PRSS23: variants seen among roughly 807,000 people sequenced by gnomAD.
The protein encoded by PRSS23 is protease, serine 23.
A neutral mutation model predicts 34.7 loss-of-function variants in PRSS23; 25 were observed. That is an observed-to-expected ratio of 0.72 (90% CI 0.53 to 1.01). The LOEUF is 1.01. Ranked by LOEUF, PRSS23 falls within the 50% of genes least tolerant of loss-of-function variation. PRSS23 has a pLI of 0.00. For synonymous variants in PRSS23, 176 were observed against 186.6 expected, an observed-to-expected ratio of 0.94 and a Z score of 0.46; for missense variants, 445 against 475.6, an observed-to-expected ratio of 0.94 and a Z score of 0.60.
chr11:86,808,315 GAA>G lies in PRSS23; in HGVS notation c.674_675del (p.Lys225ThrfsTer15). On this transcript the variant is annotated frameshift_variant, in exon 2 of 2. Transcript: ENST00000280258. LOFTEE classifies it high-confidence loss of function. ...AGATGAAATTTCAGTGGATCCGGGT[GAA>G]ACGCACCCATGTGCCCAAGGGTTGG... ...EQMKFQWIRV[K>X]RTHVPKGWIK... 6.2e-7 allele frequency: 1 copy of G among 1,614,170 alleles called. No homozygotes were observed.
At chr11:86,866,992 A>G (rs1283536605) in intron 2 of PRSS23, among the ~76,000 whole-genome samples, 1 of 152,204 alleles carries the variant, frequency 6.6e-6, no homozygotes, top group African/African-American at 2.4e-5. Flanking sequence ...TAAATCACCC[A>G]GCTTCAGGTA....
intron 2 of PRSS23, chr11:86,910,001 A>ATT (rs1948967380): frequency 6.6e-6 from 1 of 152,258 alleles, no homozygotes; most frequent in South Asian, 2.1e-4. Context: ...TGGAGACAGG[A>ATT]TTCTTCAAAA....
intron 2 of PRSS23, among the ~76,000 whole-genome samples, chr11:86,907,747 A>G (rs1273189608): frequency 3.9e-5 from 6 of 152,202 alleles, no homozygotes; most frequent in Non-Finnish European, 8.8e-5. Context: ...GGTGTGAGCC[A>G]CCACGCTGGC....
intron 2 of PRSS23, among the ~76,000 whole-genome samples, chr11:86,904,017 T>C (rs1023480772): frequency 6.6e-6 from 1 of 152,190 alleles, no homozygotes; most frequent in Non-Finnish European, 1.5e-5. Flanking sequence ...CTTTTTCTAA[T>C]AGCTTCAGAG....
At chr11:86,860,584 G>A (rs1028397427) in intron 2 of PRSS23, among the ~76,000 whole-genome samples, 3 of 151,852 alleles carry the variant, frequency 2.0e-5, no homozygotes, top group Non-Finnish European at 2.9e-5. Flanking sequence ...ATCACAAGAG[G>A]TGTACATCCC....
At chr11:86,824,386 A>AG (rs1948282019) in intron 2 of PRSS23, among the ~76,000 whole-genome samples, 2 of 150,616 alleles carry the variant, frequency 1.3e-5, no homozygotes, top group Non-Finnish European at 3.0e-5. Context: ...AAATAAAAAA[A>AG]CAAAATGGAG....
chr11:86,923,162 C>T (rs1174427600), intron 2 of PRSS23, among the ~76,000 whole-genome samples: 13 of 144,060 alleles, frequency 9.0e-5, no homozygotes, highest in East Asian at 2.0e-4. Context: ...GGGTCTCTGT[C>T]GCCCAGGCTG....
chr11:86,833,004 G>GA (rs374570816), intron 2 of PRSS23: 31,296 of 318,930 alleles, frequency 0.098, 59 homozygotes, highest in South Asian at 0.16. Context: ...AAAAGACTGA[G>GA]AAAAAAAAAA....
intron 2 of PRSS23, among the ~76,000 whole-genome samples, chr11:86,894,872 T>C (rs1216004124): frequency 1.3e-5 from 2 of 152,236 alleles, no homozygotes; most frequent in African/African-American, 4.8e-5. Context: ...GTATCTCATT[T>C]ATGTTTTTAA....
intron 2 of PRSS23, among the ~76,000 whole-genome samples, chr11:86,881,308 C>CT (rs1343670998): frequency 2.1e-5 from 3 of 143,178 alleles, no homozygotes; most frequent in South Asian, 2.2e-4. Flanking sequence ...AAATGTTTGG[C>CT]TTTTTTTTGT....
At chr11:86,872,553 C>T (rs1948692288) in intron 2 of PRSS23, among the ~76,000 whole-genome samples, 1 of 152,186 alleles carries the variant, frequency 6.6e-6, no homozygotes, top group Admixed American at 6.5e-5. Context: ...GTCTCTCTTA[C>T]AGACAGTGGC....
rs186743717 is a variant in PRSS23, at chr11:86,878,398, G to C, written c.206+54805G>C. ...CTGCCTCAGCCTGCCAAGTGCCTGC[G>C]ATTGCAGGCGCGCGCCGCCACGCCT... On this transcript the variant is annotated intron_variant, in intron 2 of 2. Coordinates refer to the PRSS23 transcript ENST00000533902. 6.9e-3 allele frequency among the ~76,000 whole-genome samples: 1,047 copies of C among 151,536 alleles called. 11 individuals are homozygous for C. The highest frequency in any genetic ancestry group is 0.025 in the African/African-American group (1,015 of 41,410).
At chr11:86,859,170 C>G (rs568311785) in intron 2 of PRSS23, among the ~76,000 whole-genome samples, 8 of 152,052 alleles carry the variant, frequency 5.3e-5, no homozygotes, top group African/African-American at 9.7e-5. Flanking sequence ...GTGACACCCC[C>G]CTGTGATCTT....
intron 2 of PRSS23, among the ~76,000 whole-genome samples, chr11:86,836,265 T>C (rs1948404800): frequency 6.6e-6 from 1 of 152,190 alleles, no homozygotes; most frequent in Non-Finnish European, 1.5e-5. Flanking sequence ...ACGGTTTTAC[T>C]AGGCCTTGGG....
At chr11:86,890,224 C>G (rs1226120328) in intron 2 of PRSS23, among the ~76,000 whole-genome samples, 2 of 151,866 alleles carry the variant, frequency 1.3e-5, no homozygotes, top group Non-Finnish European at 2.9e-5. Flanking sequence ...GAGCTGAGAT[C>G]ATGCCACTGC....
At chr11:86,878,676 G>T (rs555425165) in intron 2 of PRSS23, among the ~76,000 whole-genome samples, 1 of 151,942 alleles carries the variant, frequency 6.6e-6, no homozygotes, top group Non-Finnish European at 1.5e-5. Flanking sequence ...GCCTCTGCCC[G>T]GCTGCCACCC....
At chr11:86,817,864 T>C (rs924113614) in intron 1 of PRSS23, among the ~76,000 whole-genome samples, 1 of 152,230 alleles carries the variant, frequency 6.6e-6, no homozygotes. Context: ...AGAGAGGGGC[T>C]AATTGAAGCA....
intron 2 of PRSS23, among the ~76,000 whole-genome samples, chr11:86,853,791 T>A (rs2134922279): frequency 6.6e-6 from 1 of 152,316 alleles, no homozygotes; most frequent in Non-Finnish European, 1.5e-5. Flanking sequence ...TTTTCATTTT[T>A]CAAATACACT....
At chr11:86,947,432 T>A (rs1287517678) in intron 2 of PRSS23, 1 of 152,272 alleles carries the variant, frequency 6.6e-6, no homozygotes, top group Non-Finnish European at 1.5e-5. Context: ...AGCATTTAAT[T>A]CAGTGACCAT....
Sources: allele counts gnomAD v4.1 joint callset (sites outside exome capture counted in the v4.1 genomes callset), GRCh38; gene constraint gnomAD v4.1.1; transcripts MANE v1.5; gene names NCBI Gene and HGNC (gene_info 2026-07-23, HGNC 2026-07-21).